Variants in ACAP3 observed in about 807,000 individuals in gnomAD.
The protein encoded by ACAP3 is arf-GAP with coiled-coil, ANK repeat and PH domain-containing protein 3.
A neutral mutation model predicts 104.1 loss-of-function variants in ACAP3; 56 were observed. That is an observed-to-expected ratio of 0.54 (90% confidence interval 0.43 to 0.67). The LOEUF is 0.67. Ranked by LOEUF, ACAP3 falls within the 30% of genes least tolerant of loss-of-function variation. The pLI, the probability that ACAP3 is intolerant of heterozygous loss-of-function variation, is 0.00. For synonymous variants in ACAP3, 628 were observed against 496.2 expected, an observed-to-expected ratio of 1.27 and a Z score of -3.53; for missense variants, 1,208 against 1,174.9, an observed-to-expected ratio of 1.03 and a Z score of -0.41.
chr1:1,300,392 A>G, intron 6 of ACAP3, 117 bp downstream of exon 6: 2 of 1,294,438 alleles, frequency 1.5e-6, no homozygotes, highest in African/African-American at 1.5e-5. Flanking sequence ...GTTCCCACCC[A>G]TGGGCAAAGC....
intron 21 of ACAP3, 29 bp downstream of exon 21, chr1:1,294,373 C>T: frequency 1.3e-6 from 2 of 1,551,770 alleles, no homozygotes; most frequent in Non-Finnish European, 1.7e-6. Context: ...GCACCTGTGT[C>T]CTGCGCGCAG....
At chr1:1,296,173 A>C in intron 16 of ACAP3, 38 bp downstream of exon 16, 1 of 1,602,200 alleles carries the variant, frequency 6.2e-7, no homozygotes, top group Non-Finnish European at 8.5e-7. Flanking sequence ...CCGCCCCCAC[A>C]AACGGGGTCC....
intron 11 of ACAP3, 59 bp downstream of exon 11, chr1:1,298,508 C>CCCCCCCAG: frequency 7.3e-7 from 1 of 1,364,002 alleles, no homozygotes; most frequent in South Asian, 1.5e-5. Context: ...ACCCCACCCC[C>CCCCCCCAG]GCCTGAGGAC....
chr1:1,294,571 G>T lies in ACAP3; in HGVS notation c.1970C>A (p.Ala657Asp). The T allele has an allele frequency of 6.6e-7, 1 of 1,510,430 alleles. No homozygotes were observed. The allele number at this position is 1,510,430 out of a possible 1,614,324, so 93.6% of individuals were successfully genotyped here. A position where few individuals can be genotyped will look rare whatever the true frequency, so the allele number is the denominator to read the frequency against. The change falls in exon 21 of 24, where the codon GCC (alanine) becomes GAC (aspartate). Residue 657 changes from alanine to aspartate, a missense_variant. Ala to Asp is a moderately radical substitution (Grantham distance 126). Coordinates refer to ENST00000354700, the MANE Select transcript of ACAP3 (RefSeq NM_030649.3). Reference sequence around the variant, plus strand: ...CTCGCGCACGTCCGCCAGGCCCCAGGCCTCGGCCTCAGTGTCCCCGTCTGC... The same window carrying T: ...CTCGCGCACGTCCGCCAGGCCCCAGTCCTCGGCCTCAGTGTCCCCGTCTGC... ...GEADGDTEAE[A>D]WGLADVRELH... is the part of the protein sequence containing the mutation.
chr1:1,299,550 C>T (rs1570649261), intron 9 of ACAP3, 194 bp from the exon 10 acceptor site: 1 of 777,572 alleles, frequency 1.3e-6, no homozygotes, highest in East Asian at 2.9e-5. Flanking sequence ...GTGGCCGGGG[C>T]TGCTGTCCCA....
chr1:1,295,662 C>T, intron 18 of ACAP3, 74 bp downstream of exon 18: 1 of 1,551,118 alleles, frequency 6.4e-7, no homozygotes, highest in South Asian at 1.2e-5. Flanking sequence ...AGAGCCCTGC[C>T]ACCAGCCCCT....
intron 6 of ACAP3, 110 bp from the exon 7 acceptor site, chr1:1,300,312 T>C: frequency 7.3e-7 from 1 of 1,377,792 alleles, no homozygotes; most frequent in Non-Finnish European, 9.8e-7. Context: ...GACCCCCAGG[T>C]CGTCTTCAGC....
At chr1:1,295,039 T>C (rs1272959) in intron 19 of ACAP3, 125,456 of 572,550 alleles carry the variant, frequency 0.22, 29,891 homozygotes, top group African/African-American at 0.73. Flanking sequence ...AGCCCAGGCC[T>C]TTTGGGAAGC....
intron 19 of ACAP3, 84 bp from the exon 20 acceptor site, chr1:1,294,900 C>T (rs1641048696): frequency 2.1e-6 from 3 of 1,411,774 alleles, no homozygotes; most frequent in East Asian, 2.5e-5. Flanking sequence ...GAACTCCACC[C>T]ACCCTCCAGG....
chr1:1,297,204 T>C (rs1476166906), intron 14 of ACAP3, among the ~76,000 whole-genome samples: 2 of 109,152 alleles, frequency 1.8e-5, no homozygotes, highest in African/African-American at 1.1e-4. Context: ...CGTGTGTGTG[T>C]GCACAGGCGC....
At chr1:1,306,962 G>A in intron 1 of ACAP3, 6 of 405,282 alleles carry the variant, frequency 1.5e-5, no homozygotes, top group Admixed American at 5.4e-5. Flanking sequence ...TCATCCACAC[G>A]TCCTGTGCAA....
chr1:1,306,682 ACAAT>A (rs1227360268), intron 1 of ACAP3, among the ~76,000 whole-genome samples: 9 of 152,288 alleles, frequency 5.9e-5, no homozygotes, highest in Admixed American at 2.0e-4. Context: ...CCACACATAC[ACAAT>A]CAAGCACACA....
At chr1:1,298,714 C>G (rs1178293015) in intron 10 of ACAP3, 35 bp from the exon 11 acceptor site, 1 of 1,501,778 alleles carries the variant, frequency 6.7e-7, no homozygotes, top group African/African-American at 1.4e-5. Context: ...CAGTGCCCAC[C>G]CCAGGGGCCC....
At chr1:1,307,726 C>A in intron 1 of ACAP3, 43 bp downstream of exon 1, 2 of 1,085,296 alleles carry the variant, frequency 1.8e-6, no homozygotes, top group Non-Finnish European at 2.2e-6. Flanking sequence ...GCGACAGCGA[C>A]GCCCCCGGCC....
At chr1:1,299,087 A>G in intron 10 of ACAP3, 1 of 575,922 alleles carries the variant, frequency 1.7e-6, no homozygotes, top group South Asian at 2.1e-5. Flanking sequence ...GCCATCTGGC[A>G]GGCCAGGGAA....
At position 1,293,816 on chromosome 1, in the gene ACAP3, C is replaced by G; in HGVS notation, c.2360+7G>C. ...CCGCCCAGCCCCGAGGGCCCGGCCGCGCTCACAGTGTCACGATGTCAGCGT... is the reference window on the plus strand; with the variant it reads ...CCGCCCAGCCCCGAGGGCCCGGCCGGGCTCACAGTGTCACGATGTCAGCGT... On this transcript the variant is annotated splice_region_variant and intron_variant, in intron 23 of 23. Transcript: ENST00000354700. 4.4e-6 allele frequency: 7 copies of G among 1,575,706 alleles called. No individual in the cohort carries two copies. The highest frequency in any genetic ancestry group is 6.0e-6 in the Non-Finnish European group (7 of 1,166,692).
At chr1:1,299,800 G>T (rs539257306) in intron 9 of ACAP3, 31 bp downstream of exon 9, 16 of 1,535,868 alleles carry the variant, frequency 1.0e-5, no homozygotes, top group African/African-American at 2.7e-5. Flanking sequence ...CCAGGCGCCT[G>T]GTGTGCAGGG....
Position 1,293,488 on chromosome 1 carries a change from CG to C in ACAP3, c.*75del, listed in dbSNP as rs957246292. ...CGCGGGTCACACGCAGGGCCGCGGC[CG>C]GGTGGGCGCCAGGGACTTCGGGGCA... On this transcript the variant is annotated 3_prime_UTR_variant, in exon 24 of 24. Transcript: ENST00000354700. 62 of 1,323,462 alleles carry C rather than the reference CG, an allele frequency of 4.7e-5. No individual in the cohort carries two copies. Among genetic ancestry groups the C allele is most frequent in the Non-Finnish European group, 5.8e-5 (60 of 1,040,910 alleles). The allele number at this position is 1,323,462 out of a possible 1,614,324, so 82.0% of individuals were successfully genotyped here. A position where few individuals can be genotyped will look rare whatever the true frequency, so the allele number is the denominator to read the frequency against.
At chr1:1,302,546 G>C (rs1317638951) in intron 4 of ACAP3, among the ~76,000 whole-genome samples, 3 of 152,190 alleles carry the variant, frequency 2.0e-5, no homozygotes, top group Non-Finnish European at 4.4e-5. Context: ...CTGCGGCTCA[G>C]GTTCCCAGGC....
Sources: allele counts gnomAD v4.1 joint callset (sites outside exome capture counted in the v4.1 genomes callset), GRCh38; gene constraint gnomAD v4.1.1; transcripts MANE v1.5; gene names NCBI Gene and HGNC (gene_info 2026-07-23, HGNC 2026-07-21).